Variants in PCDH15 observed in about 807,000 individuals in gnomAD.
The protein encoded by PCDH15 is protocadherin related 15.
A neutral mutation model predicts 178.5 loss-of-function variants in PCDH15; 129 were observed. The observed-to-expected ratio is 0.72, with a 90% CI of 0.63 to 0.84. The LOEUF (loss-of-function observed/expected upper bound fraction) is 0.84. PCDH15 is among the 40% of genes least tolerant of loss of function. The pLI is 0.00. For synonymous variants in PCDH15, 800 were observed against 732.0 expected (o/e 1.09, Z -1.50); for missense variants, 2,230 against 2,099.9 (o/e 1.06, Z -1.21).
At chr10:54,896,472 G>C (rs1321231647) in intron 3 of PCDH15, among the ~76,000 whole-genome samples, 1 of 149,912 alleles carries the variant, frequency 6.7e-6, no homozygotes, top group South Asian at 2.1e-4. Context: ...CTTCTTTCTT[G>C]ATTTATTCCC....
At chr10:54,727,992 T>C (rs1369857204) in intron 1 of PCDH15, among the ~76,000 whole-genome samples, 1 of 151,516 alleles carries the variant, frequency 6.6e-6, no homozygotes, top group Non-Finnish European at 1.5e-5. Flanking sequence ...TACAGCTGAA[T>C]TCTACAAAGT....
intron 1 of PCDH15, among the ~76,000 whole-genome samples, chr10:54,764,140 T>C (rs1018968253): frequency 5.3e-5 from 8 of 152,038 alleles, no homozygotes; most frequent in Non-Finnish European, 1.0e-4. Context: ...AAATGTCTTA[T>C]AAACTTTGTT....
rs778521204 is a variant in PCDH15 at position 54,023,215 on chromosome 10, A to G, written c.2221-18T>C. ...TCTGTTGCCTATTAAATAAAACAAA[A>G]AAACAAAAAAATTCACGTAAGTTTT... On this transcript the variant is annotated intron_variant, in intron 18 of 37. Transcript: ENST00000644397. The G allele has an allele frequency of 6.2e-7, 1 of 1,610,012 alleles. No homozygotes were observed. The highest frequency in any genetic ancestry group is 8.5e-7 in the Non-Finnish European group (1 of 1,178,810).
At chr10:55,516,578 A>AT (rs545364737) in intron 2 of PCDH15, among the ~76,000 whole-genome samples, 42 of 151,300 alleles carry the variant, frequency 2.8e-4, no homozygotes, top group South Asian at 1.9e-3. Context: ...ACTTAAAAGC[A>AT]TTTTTTTTTC....
At chr10:54,731,537 G>GATATATATATATATA (rs1180926059) in intron 1 of PCDH15, among the ~76,000 whole-genome samples, 7 of 17,934 alleles carry the variant, frequency 3.9e-4, no homozygotes, top group Non-Finnish European at 3.9e-4. Flanking sequence ...TAAAGAAAAT[G>GATATATATATATATA]TGAGATAGAT....
chr10:53,977,075 T>A (rs2090242620), intron 21 of PCDH15, among the ~76,000 whole-genome samples: 1 of 152,070 alleles, frequency 6.6e-6, no homozygotes, highest in African/African-American at 2.4e-5. Flanking sequence ...TTCTCTGCAA[T>A]ATAAACCCCT....
At chr10:55,249,062 A>G (rs1324575215) in intron 1 of PCDH15, among the ~76,000 whole-genome samples, 2 of 152,202 alleles carry the variant, frequency 1.3e-5, no homozygotes, top group African/African-American at 2.4e-5. Context: ...ATAAAAAGAC[A>G]GACTCATTTG....
chr10:54,390,044 T>G (rs1364169216), intron 3 of PCDH15, among the ~76,000 whole-genome samples: 1 of 152,216 alleles, frequency 6.6e-6, no homozygotes, highest in Non-Finnish European at 1.5e-5. Flanking sequence ...ACATTTTGAC[T>G]TCATTAACTA....
intron 3 of PCDH15, among the ~76,000 whole-genome samples, chr10:54,496,124 A>G (rs1355523561): frequency 6.6e-6 from 1 of 152,126 alleles, no homozygotes; most frequent in Non-Finnish European, 1.5e-5. Context: ...CAAAACGGTG[A>G]CTATAGTTAT....
Position 54,226,593 on chromosome 10 carries a change from A to G in PCDH15, c.985+10230T>C, listed in dbSNP as rs79153132. Among the ~76,000 whole-genome samples the G allele has an allele frequency of 6.1e-3, 928 of 152,182 alleles. 4 individuals carry two copies. Among genetic ancestry groups the G allele is most frequent in the Non-Finnish European group, 0.011 (751 of 67,988 alleles). On this transcript the variant is annotated intron_variant, in intron 9 of 37. Coordinates refer to ENST00000644397, the MANE Select transcript of PCDH15 (RefSeq NM_001384140.1). ...TCATTCTGCACTTGACCTCTCCCAA[A>G]TCTCACATCCTCACATTTCAAAACA... is the stretch of plus-strand genomic sequence containing the variant.
At chr10:55,070,098 G>A (rs1414436260) in intron 2 of PCDH15, among the ~76,000 whole-genome samples, 2 of 150,526 alleles carry the variant, frequency 1.3e-5, no homozygotes, top group Admixed American at 6.6e-5. Context: ...GTCTGTTCAT[G>A]TCCTTCGCCC....
intron 2 of PCDH15, among the ~76,000 whole-genome samples, chr10:54,536,946 C>T (rs2084602783): frequency 1.3e-5 from 2 of 149,886 alleles, no homozygotes; most frequent in Admixed American, 6.6e-5. Context: ...GTGAATAGTA[C>T]TGCAATGAAC....
At chr10:54,893,785 T>C (rs1471291894) in intron 3 of PCDH15, among the ~76,000 whole-genome samples, 1 of 152,098 alleles carries the variant, frequency 6.6e-6, no homozygotes, top group African/African-American at 2.4e-5. Flanking sequence ...AATTTCTGAA[T>C]TATTTACACG....
rs145862506 is a variant in PCDH15 at position 54,417,374 on chromosome 10, C to T, written c.158-38432G>A. 1.0e-3 allele frequency among the ~76,000 whole-genome samples: 155 copies of T among 151,834 alleles called. 2 individuals are homozygous for T. The highest frequency in any genetic ancestry group is 1.7e-3 in the African/African-American group (69 of 41,300). On this transcript the variant is annotated intron_variant, in intron 3 of 37. Transcript: ENST00000644397. ...TGAGATCTTAGTCTAGCATAAATGA[C>T]GAAATGGGGAGTGATAGAATAGAAA...
chr10:54,124,502 A>G (rs1334298964), intron 15 of PCDH15, among the ~76,000 whole-genome samples: 6 of 152,240 alleles, frequency 3.9e-5, no homozygotes, highest in Non-Finnish European at 8.8e-5. Flanking sequence ...TACAACTACA[A>G]TAATAAAAGA....
At chr10:55,600,381 G>A (rs1843048434) in intron 2 of PCDH15, among the ~76,000 whole-genome samples, 1 of 151,608 alleles carries the variant, frequency 6.6e-6, no homozygotes, top group Admixed American at 6.6e-5. Context: ...AAAAAAATTG[G>A]TTGGGGTGAC....
intron 13 of PCDH15, among the ~76,000 whole-genome samples, chr10:54,162,464 G>T (rs573194177): frequency 6.6e-6 from 1 of 152,162 alleles, no homozygotes; most frequent in South Asian, 2.1e-4. Context: ...GTAATCAGTA[G>T]AAGAGAAGGT....
intron 2 of PCDH15, among the ~76,000 whole-genome samples, chr10:55,380,966 T>C (rs111897062): frequency 6.6e-6 from 1 of 152,170 alleles, no homozygotes; most frequent in Non-Finnish European, 1.5e-5. Context: ...ATAAAGAGCC[T>C]CTTTGGGATA....
chr10:53,821,468 T>A, intron 32 of PCDH15: 1 of 1,020,376 alleles, frequency 9.8e-7, no homozygotes, highest in Non-Finnish European at 1.2e-6. Context: ...TCTGCTTTTT[T>A]CTTGGAACAT....
Sources: gnomAD v4.1 joint callset for allele counts (sites outside exome capture counted in the v4.1 genomes callset) on GRCh38, gnomAD v4.1.1 for gene constraint, MANE v1.5 for transcripts, NCBI Gene and HGNC (gene_info 2026-07-23, HGNC 2026-07-21) for gene names.